The following KCTD16 variants were observed in gnomAD, a reference collection of about 807,000 sequenced individuals.
KCTD16 encodes BTB/POZ domain-containing protein KCTD16.
Under a neutral mutation model 33.2 loss-of-function variants are expected in KCTD16, and 13 were observed. The observed-to-expected ratio is 0.39, with a 90% CI of 0.25 to 0.62. The LOEUF (loss-of-function observed/expected upper bound fraction) is 0.62. Among genes scored for constraint, KCTD16 ranks in the 20% least tolerant of loss-of-function variants. The probability of loss-of-function intolerance (pLI) is 0.50; values close to 1 mark genes in which losing one functional copy is unlikely to be tolerated. For missense variants in KCTD16, 441 were observed against 525.1 expected (o/e 0.84, Z 1.57); for synonymous variants, 197 against 195.3 (o/e 1.01, Z -0.07).
intron 3 of KCTD16, among the ~76,000 whole-genome samples, chr5:144,229,525 G>A (rs1478025861): frequency 6.6e-6 from 1 of 152,196 alleles, no homozygotes; most frequent in Non-Finnish European, 1.5e-5. Context: ...GATCACCTAT[G>A]TGGCTATCGA....
At chr5:144,220,555 T>C (rs1170293137) in intron 3 of KCTD16, among the ~76,000 whole-genome samples, 4 of 144,820 alleles carry the variant, frequency 2.8e-5, no homozygotes, top group African/African-American at 9.7e-5. Context: ...AGGTTATATG[T>C]ATATTTATGT....
chr5:144,333,576 G>A (rs1752409298), intron 3 of KCTD16, among the ~76,000 whole-genome samples: 1 of 152,104 alleles, frequency 6.6e-6, no homozygotes, highest in Non-Finnish European at 1.5e-5. Flanking sequence ...AGCTCTGTGT[G>A]TGTGTCTTTC....
In KCTD16 at chr5:144,441,824, A is replaced by C. The variant is rs1040064596; in HGVS notation, c.833-31836A>C. Among the ~76,000 whole-genome samples the C allele has an allele frequency of 1.4e-3, 206 of 144,558 alleles. 1 individual carries two copies. The highest frequency in any genetic ancestry group is 4.9e-3 in the African/African-American group (191 of 39,038). 94.8% of individuals were successfully genotyped at this position (144,558 alleles called of 152,430 possible). A position where few individuals can be genotyped will look rare whatever the true frequency, so the allele number is the denominator to read the frequency against. On this transcript the variant is annotated intron_variant, in intron 3 of 3. Transcript: ENST00000512467. Reference sequence around the variant, plus strand: ...GCAATTTTGTATCCCTTCCATTTCTATATAAATGTTAAGATCATCTTGACA... The same window carrying C: ...GCAATTTTGTATCCCTTCCATTTCTCTATAAATGTTAAGATCATCTTGACA...
intron 3 of KCTD16, among the ~76,000 whole-genome samples, chr5:144,438,537 G>A (rs1001215861): frequency 1.9e-4 from 29 of 152,122 alleles, no homozygotes; most frequent in African/African-American, 5.3e-4. Flanking sequence ...GAGAGGAGGC[G>A]GGCTCATCCA....
intron 3 of KCTD16, among the ~76,000 whole-genome samples, chr5:144,445,537 A>G (rs994166408): frequency 6.6e-6 from 1 of 152,058 alleles, no homozygotes. Context: ...ATCTTTGTAT[A>G]GAATTTGAAC....
intron 2 of KCTD16, among the ~76,000 whole-genome samples, chr5:144,191,380 C>T (rs909868237): frequency 6.6e-6 from 1 of 152,180 alleles, no homozygotes; most frequent in African/African-American, 2.4e-5. Context: ...TTCACTGGTG[C>T]CTTTTGCTCC....
At chr5:144,365,319 G>A (rs987150312) in intron 3 of KCTD16, among the ~76,000 whole-genome samples, 4 of 151,782 alleles carry the variant, frequency 2.6e-5, no homozygotes, top group African/African-American at 7.3e-5. Flanking sequence ...TCCTCTAAAC[G>A]GTCTTACGTT....
At chr5:144,231,216 G>A (rs1346305979) in intron 3 of KCTD16, among the ~76,000 whole-genome samples, 1 of 151,994 alleles carries the variant, frequency 6.6e-6, no homozygotes, top group African/African-American at 2.4e-5. Flanking sequence ...AAGATTTGGG[G>A]TATTCTTTTC....
chr5:144,240,936 G>T (rs531560956), intron 3 of KCTD16, among the ~76,000 whole-genome samples: 1 of 152,200 alleles, frequency 6.6e-6, no homozygotes, highest in East Asian at 1.9e-4. Flanking sequence ...TGTTTAGGCT[G>T]GTGAGGAGAT....
At chr5:144,201,208 T>C (rs1007453412) in intron 2 of KCTD16, among the ~76,000 whole-genome samples, 4 of 152,276 alleles carry the variant, frequency 2.6e-5, no homozygotes, top group South Asian at 4.2e-4. Context: ...CCATGTAGTA[T>C]AAATGAAAGG....
At chr5:144,417,728 T>G (rs1461528477) in intron 3 of KCTD16, among the ~76,000 whole-genome samples, 1 of 152,204 alleles carries the variant, frequency 6.6e-6, no homozygotes, top group African/African-American at 2.4e-5. Flanking sequence ...TTTTATGGTT[T>G]TAGGTCTCCT....
intron 1 of KCTD16, among the ~76,000 whole-genome samples, chr5:144,173,794 G>C (rs997037240): frequency 1.3e-5 from 2 of 152,110 alleles, no homozygotes; most frequent in African/African-American, 4.8e-5. Flanking sequence ...TTTGCATATT[G>C]TTTATTTGAC....
At chr5:144,185,468 G>A (rs750351141) in intron 2 of KCTD16, among the ~76,000 whole-genome samples, 2 of 152,140 alleles carry the variant, frequency 1.3e-5, no homozygotes, top group Non-Finnish European at 2.9e-5. Flanking sequence ...CCCAGAAAAT[G>A]TTCCCAAATC....
At chr5:144,442,071 C>A (rs1753724090) in intron 3 of KCTD16, among the ~76,000 whole-genome samples, 2 of 151,980 alleles carry the variant, frequency 1.3e-5, no homozygotes, top group African/African-American at 2.4e-5. Flanking sequence ...TTTATATGTT[C>A]AAATTTGTTA....
At chr5:144,424,893 A>G (rs972386753) in intron 3 of KCTD16, among the ~76,000 whole-genome samples, 2 of 152,152 alleles carry the variant, frequency 1.3e-5, no homozygotes, top group Non-Finnish European at 2.9e-5. Flanking sequence ...ATAAGTTTTG[A>G]AGGGGACATT....
chr5:144,238,091 C>T (rs889913776), intron 3 of KCTD16, among the ~76,000 whole-genome samples: 2 of 152,064 alleles, frequency 1.3e-5, no homozygotes, highest in Non-Finnish European at 2.9e-5. Flanking sequence ...TATGAAAAAC[C>T]ACAAGTTCTG....
At chr5:144,438,298 T>C (rs1255347068) in intron 3 of KCTD16, among the ~76,000 whole-genome samples, 1 of 152,210 alleles carries the variant, frequency 6.6e-6, no homozygotes, top group Non-Finnish European at 1.5e-5. Flanking sequence ...TTCAATCTGC[T>C]TTTAAAGGAA....
chr5:144,303,425 T>A (rs929284669), intron 3 of KCTD16, among the ~76,000 whole-genome samples: 27 of 152,158 alleles, frequency 1.8e-4, no homozygotes, highest in Non-Finnish European at 4.0e-4. Flanking sequence ...TTAAGATTCT[T>A]TAGGACCTTG....
intron 3 of KCTD16, among the ~76,000 whole-genome samples, chr5:144,381,282 A>AATAAT: frequency 6.6e-6 from 1 of 152,346 alleles, no homozygotes; most frequent in Middle Eastern, 3.4e-3. Context: ...TATTATTAAA[A>AATAAT]AGTCAAAAAA....
Sources: allele counts gnomAD v4.1 joint callset (sites outside exome capture counted in the v4.1 genomes callset), GRCh38; gene constraint gnomAD v4.1.1; transcripts MANE v1.5; gene names NCBI Gene and HGNC (gene_info 2026-07-23, HGNC 2026-07-21).